STX7: variants seen among roughly 807,000 people sequenced by gnomAD.
The protein encoded by STX7 is syntaxin-7.
In STX7, 34 loss-of-function variants were observed where a neutral mutation model predicts 39.6. The ratio of observed to expected loss-of-function variants is 0.86; its 90% CI spans 0.65 to 1.14. The LOEUF (loss-of-function observed/expected upper bound fraction) is 1.14. Among genes scored for constraint, STX7 ranks in the 50% most tolerant of loss-of-function variants. The pLI is 0.00. For synonymous variants in STX7, 119 were observed against 99.1 expected (o/e 1.20, Z -1.19); for missense variants, 284 against 310.4 (o/e 0.92, Z 0.64).
chr6:132,505,763 AAC>A lies in STX7; in HGVS notation c.-58-2177_-58-2176del, dbSNP rs1554252659. Among the ~76,000 whole-genome samples, 102 of 129,950 alleles carry A rather than the reference AAC, an allele frequency of 7.8e-4. 1 individual carries two copies. Among genetic ancestry groups the A allele is most frequent in the East Asian group, 1.6e-3 (6 of 3,774 alleles). The allele number at this position is 129,950 out of a possible 152,430, so 85.3% of individuals were successfully genotyped here. A position where few individuals can be genotyped will look rare whatever the true frequency, so the allele number is the denominator to read the frequency against. ...TTAAAAAAAAAAAAAAAAAAAAAAA[AAC>A]ACAGGTTTTGAATAGCCAAAGCAAT... On this transcript the variant is annotated intron_variant, in intron 1 of 9. Transcript: ENST00000367941.
At chr6:132,479,799 T>A (rs1774970954) in intron 2 of STX7, among the ~76,000 whole-genome samples, 1 of 152,224 alleles carries the variant, frequency 6.6e-6, no homozygotes, top group South Asian at 2.1e-4. Context: ...AATTTTTTCA[T>A]TCATCCTTTG....
In STX7 at chr6:132,487,090, A is replaced by G. The variant is rs1303894844; in HGVS notation, c.86-11428T>C. Among the ~76,000 whole-genome samples, 5 of 152,214 alleles carry G rather than the reference A, an allele frequency of 3.3e-5. No individual in the cohort carries two copies. In the East Asian group the frequency reaches 9.6e-4, roughly 29 times the overall value. ...GTACAATTAGTTAAATATTTGATAG[A>G]TTACATTAGTGAAGATATTTGAGTC... On this transcript the variant is annotated intron_variant, in intron 2 of 9. Coordinates refer to ENST00000367941, the MANE Select transcript of STX7 (RefSeq NM_003569.3).
At chr6:132,478,067 G>A (rs952108794) in intron 2 of STX7, among the ~76,000 whole-genome samples, 1 of 151,810 alleles carries the variant, frequency 6.6e-6, no homozygotes, top group Non-Finnish European at 1.5e-5. Context: ...GGGAGCAATA[G>A]TCAATAACTA....
intron 2 of STX7, among the ~76,000 whole-genome samples, chr6:132,478,699 G>A (rs1245411811): frequency 6.6e-6 from 1 of 152,168 alleles, no homozygotes; most frequent in East Asian, 1.9e-4. Flanking sequence ...GACTCCAACT[G>A]CACTGTTCCT....
Position 132,471,565 on chromosome 6 carries a change from T to C in STX7, c.285A>G (p.Ala95=), listed in dbSNP as rs1427081721. 3 of 1,613,944 alleles carry C rather than the reference T, an allele frequency of 1.9e-6. No homozygotes were observed. The highest frequency in any genetic ancestry group is 1.3e-5 in the African/African-American group (1 of 75,052). The change falls in exon 5 of 10, where the codon GCA becomes GCG. Residue 95 remains alanine (A), a synonymous_variant. Transcript: ENST00000367941. The part of the protein sequence containing the change: ...QRKIQKDRLV[A]EFTTSLTNFQ... ...AGTTTGTCAGTGATGTTGTGAACTCTGCCACTAAGCGATCCTTCTGTATTT... is the reference window on the plus strand; with the variant it reads ...AGTTTGTCAGTGATGTTGTGAACTCCGCCACTAAGCGATCCTTCTGTATTT...
In STX7 at chr6:132,451,274, T is replaced by G. The variant is rs1774130403; in HGVS notation, c.*9484A>C. 1 of 152,136 alleles carries G rather than the reference T, an allele frequency of 6.6e-6. No homozygotes were observed. The highest frequency in any genetic ancestry group is 6.5e-5 in the Admixed American group (1 of 15,272). The allele number at this position is 152,136 out of a possible 1,614,324, so 9.4% of individuals were successfully genotyped here. A position where few individuals can be genotyped will look rare whatever the true frequency, so the allele number is the denominator to read the frequency against. On this transcript the variant is annotated 3_prime_UTR_variant, in exon 10 of 10. Transcript: ENST00000367941. ...ACCATGCCGGCTAATTTTTGTATTTTTAGTAGAGGCGGGGTTTCGCCATGT... is the reference window on the plus strand; with the variant it reads ...ACCATGCCGGCTAATTTTTGTATTTGTAGTAGAGGCGGGGTTTCGCCATGT...
intron 2 of STX7, among the ~76,000 whole-genome samples, chr6:132,481,734 C>CA (rs11459744): frequency 0.013 from 1,921 of 152,232 alleles, 34 homozygotes; most frequent in African/African-American, 0.044. Flanking sequence ...TAGAAAAGGA[C>CA]AAAAAAACCC....
rs748192631 is a variant in STX7, at chr6:132,464,050, A to C, written c.636T>G (p.Asn212Lys). The part of the protein sequence containing the change: ...VIDSIEANVE[N>K]AEVHVQQANQ... ...TTGCTTGCTGAACGTGCACCTCTGC[A>C]TTTTCCACATTGGCTTCTATGCTAT... Residue 212 changes from asparagine (N) to lysine (K), a missense_variant, in exon 9 of 10, where the codon AAT (asparagine) becomes AAG (lysine). Asn to Lys is a moderately conservative substitution (Grantham distance 94). Transcript: ENST00000367941. The C allele has an allele frequency of 6.2e-7, 1 of 1,614,078 alleles. No individual in the cohort carries two copies. The highest frequency in any genetic ancestry group is 2.2e-5 in the East Asian group (1 of 44,866).
intron 9 of STX7, among the ~76,000 whole-genome samples, chr6:132,462,592 TGTG>T (rs1774439490): frequency 7.0e-6 from 1 of 141,876 alleles, no homozygotes; most frequent in Admixed American, 6.9e-5. Context: ...GGTGTGTGTG[TGTG>T]TGTGTGTGTG....
At position 132,471,607 on chromosome 6, in the gene STX7, G is replaced by C. The variant is rs370151757; in HGVS notation, c.250-7C>G. On this transcript the variant is annotated splice_region_variant and splice_polypyrimidine_tract_variant and intron_variant, in intron 4 of 9. Coordinates refer to ENST00000367941, the MANE Select transcript of STX7 (RefSeq NM_003569.3). ...TCTGTATTTTCCTTTGACGCTAGAG[G>C]AAAGAGAAGAAAAAGCCAACTAGAA... 11 of 1,605,390 alleles carry C rather than the reference G, an allele frequency of 6.9e-6. No individual in the cohort carries two copies. In the African/African-American group the frequency reaches 9.4e-5, roughly 14 times the overall value.
At chr6:132,504,690 C>T (rs1452943601) in intron 1 of STX7, among the ~76,000 whole-genome samples, 1 of 152,096 alleles carries the variant, frequency 6.6e-6, no homozygotes, top group East Asian at 1.9e-4. Context: ...TCAAGTTTGT[C>T]ATTTAGGAGG....
intron 2 of STX7, among the ~76,000 whole-genome samples, chr6:132,492,623 G>C (rs1775321736): frequency 6.6e-6 from 1 of 152,116 alleles, no homozygotes. Context: ...ATATGAACCA[G>C]ACTCTCCTGG....
rs1434305110 is a variant in STX7, at chr6:132,470,755, G to A, written c.388-129C>T. 10 of 497,894 alleles carry A rather than the reference G, an allele frequency of 2.0e-5. No homozygotes were observed. The Admixed American group carries it at 3.2e-4, about 16-fold the overall frequency. 30.8% of individuals were successfully genotyped at this position (497,894 alleles called of 1,614,324 possible). The stretch of plus-strand genomic sequence containing the variant: ...TGTACGTGTCTGTGTGTATGTGTGT[G>A]TGTGTGTAGAGACAGAGAGAAAGAA... On this transcript the variant is annotated intron_variant, in intron 5 of 9. Coordinates refer to ENST00000367941, the MANE Select transcript of STX7 (RefSeq NM_003569.3).
intron 2 of STX7, among the ~76,000 whole-genome samples, chr6:132,479,089 C>T (rs1466123695): frequency 6.6e-6 from 1 of 152,164 alleles, no homozygotes; most frequent in Non-Finnish European, 1.5e-5. Context: ...GGCAGTGTTT[C>T]CTCAGTGAAA....
chr6:132,486,998 C>G (rs1037195751), intron 2 of STX7, among the ~76,000 whole-genome samples: 6 of 152,132 alleles, frequency 3.9e-5, no homozygotes, highest in Non-Finnish European at 7.4e-5. Flanking sequence ...CTGTCTTTAT[C>G]TGGTTTCAAT....
At chr6:132,466,328 A>G (rs938596191) in intron 8 of STX7, among the ~76,000 whole-genome samples, 3 of 152,174 alleles carry the variant, frequency 2.0e-5, no homozygotes, top group African/African-American at 7.2e-5. Context: ...GATTTCCTCC[A>G]TATCACTGGC....
chr6:132,457,362 G>A lies in STX7; in HGVS notation c.*3396C>T, dbSNP rs1034936267. 16 of 152,136 alleles carry A rather than the reference G, an allele frequency of 1.1e-4. No homozygotes were observed. Among genetic ancestry groups the A allele is most frequent in the Non-Finnish European group, 1.8e-4 (12 of 68,038 alleles). The allele number at this position is 152,136 out of a possible 1,614,324, so 9.4% of individuals were successfully genotyped here. ...CCAGCTGAAATGAGGAAAGATAATC[G>A]TGCATGTCTGGCAACCAGGTAATTT... On this transcript the variant is annotated 3_prime_UTR_variant, in exon 10 of 10. Coordinates refer to ENST00000367941, the MANE Select transcript of STX7 (RefSeq NM_003569.3).
At position 132,450,551 on chromosome 6, in the gene STX7, T is replaced by C. The variant is rs1328277253; in HGVS notation, c.*10207A>G. ...AAAAAAAAATTGATACTCTCTTCTATAGTATAGGTTTATACTCCAGGGGTC... is the reference window on the plus strand; with the variant it reads ...AAAAAAAAATTGATACTCTCTTCTACAGTATAGGTTTATACTCCAGGGGTC... On this transcript the variant is annotated 3_prime_UTR_variant, in exon 10 of 10. Transcript: ENST00000367941. 6.6e-6 allele frequency: 1 copy of C among 152,056 alleles called. No individual in the cohort carries two copies. Among genetic ancestry groups the C allele is most frequent in the Non-Finnish European group, 1.5e-5 (1 of 68,008 alleles). 9.4% of individuals were successfully genotyped at this position (152,056 alleles called of 1,614,324 possible).
In STX7 at chr6:132,448,739, G is replaced by C. The variant is rs924642866; in HGVS notation, c.*12019C>G. ...TGTACTCCCAGCTACTCGGGAGGCTGAGGCAGGAGAATCAATTGAACCCGG... is the reference window on the plus strand; with the variant it reads ...TGTACTCCCAGCTACTCGGGAGGCTCAGGCAGGAGAATCAATTGAACCCGG... On this transcript the variant is annotated 3_prime_UTR_variant, in exon 10 of 10. Transcript: ENST00000367941. 1 of 149,504 alleles carries C rather than the reference G, an allele frequency of 6.7e-6. No homozygotes were observed. The highest frequency in any genetic ancestry group is 6.8e-5 in the Admixed American group (1 of 14,784). 9.3% of individuals were successfully genotyped at this position (149,504 alleles called of 1,614,324 possible). A position where few individuals can be genotyped will look rare whatever the true frequency, so the allele number is the denominator to read the frequency against.
Sources: allele counts gnomAD v4.1 joint callset (sites outside exome capture counted in the v4.1 genomes callset), GRCh38; gene constraint gnomAD v4.1.1; transcripts MANE v1.5; gene names NCBI Gene and HGNC (gene_info 2026-07-23, HGNC 2026-07-21).